The following NLGN4Y variants were observed in gnomAD, a reference collection of about 807,000 sequenced individuals.
NLGN4Y encodes neuroligin-4, Y-linked.
Under a neutral mutation model 8.4 loss-of-function variants are expected in NLGN4Y, and 4 were observed. That is an observed-to-expected ratio of 0.48 (90% CI 0.23 to 1.09). NLGN4Y has a LOEUF of 1.09. Among genes scored for constraint, NLGN4Y ranks in the 50% least tolerant of loss-of-function variants. The pLI, the probability that NLGN4Y is intolerant of heterozygous loss-of-function variation, is 0.19. For missense variants in NLGN4Y, 90 were observed against 192.3 expected, an observed-to-expected ratio of 0.47 and a Z score of 3.15; for synonymous variants, 35 against 75.6, an observed-to-expected ratio of 0.46 and a Z score of 2.78.
At chrY:14,735,845 T>G (rs2080990026) in intron 4 of NLGN4Y, among the ~76,000 whole-genome samples, 2 of 33,678 alleles carry the variant, frequency 5.9e-5, no homozygotes, top group Non-Finnish European at 1.5e-4. Context: ...GGAATAAAAG[T>G]GACTCTTGCT....
At chrY:14,747,320 G>A in intron 4 of NLGN4Y, among the ~76,000 whole-genome samples, 2 of 31,830 alleles carry the variant, frequency 6.3e-5, no homozygotes, top group Non-Finnish European at 1.5e-4. Flanking sequence ...AGATCTGGTT[G>A]TTATAAATAA....
chrY:14,647,180 G>C, intron 2 of NLGN4Y, among the ~76,000 whole-genome samples: 1 of 33,992 alleles, frequency 2.9e-5, no homozygotes. Context: ...TCATTTCTAA[G>C]ACCCATCAAA....
At chrY:14,667,470 A>G (rs2080696078) in intron 2 of NLGN4Y, among the ~76,000 whole-genome samples, 1 of 33,278 alleles carries the variant, frequency 3.0e-5, no homozygotes, top group African/African-American at 1.2e-4. Context: ...ACACACACAC[A>G]CATACATGCA....
intron 1 of NLGN4Y, among the ~76,000 whole-genome samples, chrY:14,537,264 G>C: frequency 6.0e-5 from 2 of 33,091 alleles, no homozygotes; most frequent in African/African-American, 1.2e-4. Flanking sequence ...TGTCCCTGCT[G>C]TGGTCAGTTT....
chrY:14,659,713 A>G (rs2080666978), intron 2 of NLGN4Y, among the ~76,000 whole-genome samples: 1 of 33,511 alleles, frequency 3.0e-5, no homozygotes, highest in Non-Finnish European at 7.4e-5. Flanking sequence ...GAGGATGCAC[A>G]GAATTCCACC....
intron 1 of NLGN4Y, among the ~76,000 whole-genome samples, chrY:14,563,702 G>T (rs943192603): frequency 4.8e-4 from 16 of 33,504 alleles, no homozygotes; most frequent in Non-Finnish European, 7.4e-4. Context: ...ATTTATTACT[G>T]CCTCAGTTTC....
chrY:14,617,942 C>G (rs2080495887), intron 1 of NLGN4Y, among the ~76,000 whole-genome samples: 1 of 29,937 alleles, frequency 3.3e-5, no homozygotes, highest in Non-Finnish European at 7.9e-5. Flanking sequence ...CAACCCTCCC[C>G]CTACCAAGCT....
intron 4 of NLGN4Y, among the ~76,000 whole-genome samples, chrY:14,812,422 G>A: frequency 3.0e-5 from 1 of 33,341 alleles, no homozygotes; most frequent in Non-Finnish European, 7.4e-5. Flanking sequence ...TCTTTCTTTT[G>A]TTGTTCAGTT....
chrY:14,624,689 A>G, intron 2 of NLGN4Y, among the ~76,000 whole-genome samples: 1 of 33,357 alleles, frequency 3.0e-5, no homozygotes, highest in African/African-American at 1.2e-4. Context: ...GTCACAGACT[A>G]TCGAGTTAGG....
intron 1 of NLGN4Y, among the ~76,000 whole-genome samples, chrY:14,592,408 G>T: frequency 6.1e-5 from 2 of 32,652 alleles, no homozygotes; most frequent in Admixed American, 5.6e-4. Flanking sequence ...AGGATCAGTG[G>T]TAGGAGCCTT....
intron 2 of NLGN4Y, among the ~76,000 whole-genome samples, chrY:14,657,307 A>C (rs2080657430): frequency 3.1e-5 from 1 of 32,401 alleles, no homozygotes; most frequent in Non-Finnish European, 7.5e-5. Flanking sequence ...CCCAGATCCC[A>C]CATTACATTT....
chrY:14,794,932 C>T (rs2150581042), intron 4 of NLGN4Y, among the ~76,000 whole-genome samples: 1 of 33,996 alleles, frequency 2.9e-5, no homozygotes, highest in South Asian at 6.7e-4. Flanking sequence ...TAGAGTGCAG[C>T]GGCATGATCT....
chrY:14,744,443 T>A, intron 4 of NLGN4Y, among the ~76,000 whole-genome samples: 1 of 33,702 alleles, frequency 3.0e-5, no homozygotes, highest in East Asian at 8.0e-4. Flanking sequence ...CAAGCACTAA[T>A]TAAATGTCTG....
At chrY:14,570,150 GA>G (rs2080264725) in intron 1 of NLGN4Y, among the ~76,000 whole-genome samples, 1 of 33,924 alleles carries the variant, frequency 2.9e-5, no homozygotes. Flanking sequence ...CTGGATGTGG[GA>G]TAGGACCCTC....
chrY:14,823,181 C>G (rs761674147), intron 4 of NLGN4Y, among the ~76,000 whole-genome samples: 1 of 33,550 alleles, frequency 3.0e-5, no homozygotes, highest in African/African-American at 1.2e-4. Context: ...AAAGTAGAAG[C>G]CAACACTCAG....
At chrY:14,661,859 T>A in intron 2 of NLGN4Y, among the ~76,000 whole-genome samples, 1 of 33,479 alleles carries the variant, frequency 3.0e-5, no homozygotes, top group East Asian at 8.2e-4. Context: ...GAATAAGCCA[T>A]GTGGCCAAGA....
intron 2 of NLGN4Y, among the ~76,000 whole-genome samples, chrY:14,680,279 G>A (rs2080763894): frequency 3.0e-5 from 1 of 33,263 alleles, no homozygotes; most frequent in Non-Finnish European, 7.4e-5. Flanking sequence ...GCTGCTTTAT[G>A]TTCTCACCCA....
chrY:14,547,754 G>A, intron 1 of NLGN4Y, among the ~76,000 whole-genome samples: 1 of 33,728 alleles, frequency 3.0e-5, no homozygotes, highest in African/African-American at 1.2e-4. Flanking sequence ...TCAGTTTCAT[G>A]ATAGTAGAGG....
At chrY:14,546,384 C>T in intron 1 of NLGN4Y, among the ~76,000 whole-genome samples, 1 of 32,955 alleles carries the variant, frequency 3.0e-5, no homozygotes, top group Non-Finnish European at 7.4e-5. Flanking sequence ...GCCATTTTCA[C>T]GATATTGATT....
Sources: allele counts gnomAD v4.1 joint callset (sites outside exome capture counted in the v4.1 genomes callset), GRCh38; gene constraint gnomAD v4.1.1; transcripts MANE v1.5; gene names NCBI Gene and HGNC (gene_info 2026-07-23, HGNC 2026-07-21).